The following DHTKD1 variants were observed in gnomAD, a reference collection of about 807,000 sequenced individuals.
The protein encoded by DHTKD1 is dehydrogenase E1 and transketolase domain containing 1, also known as 2-oxoadipate dehydrogenase complex component E1.
A neutral mutation model predicts 101.8 loss-of-function variants in DHTKD1; 78 were observed. The ratio of observed to expected loss-of-function variants is 0.77; its 90% CI spans 0.64 to 0.93. The LOEUF is 0.93. DHTKD1 is among the 40% of genes least tolerant of loss of function. The probability of loss-of-function intolerance (pLI) is 0.00; values close to 1 mark genes in which losing one functional copy is unlikely to be tolerated. For synonymous variants in DHTKD1, 462 were observed against 450.3 expected (o/e 1.03, Z -0.33); for missense variants, 1,223 against 1,161.7 (o/e 1.05, Z -0.77).
chr10:12,089,093 G>A lies in DHTKD1; in HGVS notation c.825G>A (p.Ala275=), dbSNP rs749394389. ...LTSSVDLYFG[A]HHPLHVTMLP... ...CCTCTGTGGACCTGTACTTTGGGGC[G>A]CACCATCCCCTCCATGTGACAATGT... Residue 275 remains alanine (A), a synonymous_variant, in exon 5 of 17, where the codon GCG becomes GCA. Coordinates refer to ENST00000263035, the MANE Select transcript of DHTKD1 (RefSeq NM_018706.7). 53 of 1,614,120 alleles carry A rather than the reference G, an allele frequency of 3.3e-5. No individual in the cohort carries two copies. Among genetic ancestry groups the A allele is most frequent in the Middle Eastern group, 1.6e-4 (1 of 6,062 alleles).
At chr10:12,113,947 C>G (rs1833375019) in intron 13 of DHTKD1, among the ~76,000 whole-genome samples, 1 of 151,886 alleles carries the variant, frequency 6.6e-6, no homozygotes, top group Admixed American at 6.6e-5. Context: ...TTTTAAAGCC[C>G]ATATGGTCTA....
At chr10:12,071,068 C>T (rs554177981) in intron 1 of DHTKD1, among the ~76,000 whole-genome samples, 1 of 152,310 alleles carries the variant, frequency 6.6e-6, no homozygotes, top group South Asian at 2.1e-4. Context: ...GGCTGCTAAT[C>T]CAATGCCATA....
At chr10:12,069,208 G>A (rs1385942506) in intron 1 of DHTKD1, 21 bp downstream of exon 1, 4 of 1,528,646 alleles carry the variant, frequency 2.6e-6, no homozygotes, top group Admixed American at 4.1e-5. Flanking sequence ...GGGCCCGGGC[G>A]GTGGGAGCGG....
chr10:12,100,200 A>G lies in DHTKD1; in HGVS notation c.1694A>G (p.Asp565Gly). The G allele has an allele frequency of 6.3e-7, 1 of 1,594,582 alleles. No homozygotes were observed. Among genetic ancestry groups the G allele is most frequent in the Non-Finnish European group, 8.5e-7 (1 of 1,169,830 alleles). Residue 565 changes from aspartate to glycine, a missense_variant, in exon 9 of 17, where the codon GAC (aspartate) becomes GGC (glycine). By Grantham distance (94) the Asp-to-Gly change is moderately conservative (BLOSUM62 -1). Coordinates refer to ENST00000263035, the MANE Select transcript of DHTKD1 (RefSeq NM_018706.7). Reference protein sequence around the residue: ...HVQSRMEKMMDGIKLDWATAE... With the variant: ...HVQSRMEKMMGGIKLDWATAE... ...CAGTCCAGAATGGAGAAGATGATGGACGGAATCAAGCTAGACTGGGCCACC... is the reference window on the plus strand; with the variant it reads ...CAGTCCAGAATGGAGAAGATGATGGGCGGAATCAAGCTAGACTGGGCCACC...
At position 12,107,122 on chromosome 10, in the gene DHTKD1, C is replaced by T. The variant is rs1833262166; in HGVS notation, c.2047+726C>T. ...GCCTCAGCCTCCCGAGTAGCTGGGA[C>T]TACATAGGCGCTGGTCACCACGCCC... On this transcript the variant is annotated intron_variant, in intron 11 of 16. Coordinates refer to ENST00000263035, the MANE Select transcript of DHTKD1 (RefSeq NM_018706.7). This position sits in a 1 kb window ranked among gnomAD's most constrained non-coding sequence, Gnocchi z 4.1. 6.6e-6 allele frequency among the ~76,000 whole-genome samples: 1 copy of T among 151,706 alleles called. No homozygotes were observed. Among genetic ancestry groups the T allele is most frequent in the Non-Finnish European group, 1.5e-5 (1 of 67,950 alleles).
chr10:12,091,445 A>G (rs952484858), intron 5 of DHTKD1, 68 bp from the exon 6 acceptor site: 2 of 779,756 alleles, frequency 2.6e-6, no homozygotes, highest in African/African-American at 1.7e-5. Flanking sequence ...TTCCAACCTG[A>G]AAACCTAGAT....
intron 7 of DHTKD1, among the ~76,000 whole-genome samples, chr10:12,096,541 A>C (rs1833073131): frequency 1.3e-5 from 2 of 152,138 alleles, no homozygotes; most frequent in African/African-American, 4.8e-5. Context: ...GCTTGCCACT[A>C]TGCCTGACTA....
At chr10:12,100,705 T>G (rs1833156259) in intron 9 of DHTKD1, among the ~76,000 whole-genome samples, 1 of 152,228 alleles carries the variant, frequency 6.6e-6, no homozygotes, top group South Asian at 2.1e-4. Flanking sequence ...AATTTTTCTT[T>G]CCTGACAATA....
At chr10:12,075,493 G>C (rs972243887) in intron 1 of DHTKD1, among the ~76,000 whole-genome samples, 8 of 152,068 alleles carry the variant, frequency 5.3e-5, no homozygotes, top group Non-Finnish European at 8.8e-5. Context: ...GTCCGCCTCG[G>C]TCTACCAAAG....
At position 12,106,367 on chromosome 10, in the gene DHTKD1, A is replaced by G. The variant is rs1833247558; in HGVS notation, c.2018A>G (p.Gln673Arg). The G allele has an allele frequency of 1.9e-6, 3 of 1,614,238 alleles. No homozygotes were observed. Among genetic ancestry groups the G allele is most frequent in the Non-Finnish European group, 2.5e-6 (3 of 1,180,044 alleles). ...AQFGDFFNGA[Q>R]IIFDTFISGG... Reference sequence around the variant, plus strand: ...TTTGGCGATTTCTTCAATGGTGCCCAGATCATCTTTGACACATTCATCTCT... The same window carrying G: ...TTTGGCGATTTCTTCAATGGTGCCCGGATCATCTTTGACACATTCATCTCT... Residue 673 changes from glutamine to arginine, a missense_variant, in exon 11 of 17, where the codon CAG becomes CGG. Gln to Arg is a conservative substitution (Grantham distance 43). Transcript: ENST00000263035.
Position 12,112,930 on chromosome 10 carries a change from G to A in DHTKD1, c.2185G>A (p.Gly729Arg), listed in dbSNP as rs117225135. ...MCDSAEEGVD[G>R]DTVNMFVVHP... ...TGACAGTGCGGAAGAGGGGGTGGAC[G>A]GAGACACTGTGAACATGTTTGTGGT... The change falls in exon 13 of 17, where the codon GGA becomes AGA. Residue 729 changes from glycine to arginine, a missense_variant. Physicochemically the swap from Gly to Arg is moderately radical, Grantham distance 125. Transcript: ENST00000263035. 2.7e-3 allele frequency: 4,292 copies of A among 1,610,968 alleles called. 12 individuals are homozygous for A. Among genetic ancestry groups the A allele is most frequent in the Middle Eastern group, 3.6e-3 (22 of 6,056 alleles).
intron 6 of DHTKD1, among the ~76,000 whole-genome samples, chr10:12,092,052 C>A (rs1009503430): frequency 6.7e-6 from 1 of 150,330 alleles, no homozygotes; most frequent in African/African-American, 2.5e-5. Context: ...TACGTGATCT[C>A]GGCTTACTGC....
At chr10:12,106,814 T>A (rs528155780) in intron 11 of DHTKD1, among the ~76,000 whole-genome samples, 5 of 152,298 alleles carry the variant, frequency 3.3e-5, no homozygotes, top group Non-Finnish European at 2.9e-5. Context: ...GCCTTAAATC[T>A]TTCCTATAGT....
chr10:12,111,313 G>A (rs1383220271), intron 12 of DHTKD1, among the ~76,000 whole-genome samples: 1 of 152,052 alleles, frequency 6.6e-6, no homozygotes, highest in Non-Finnish European at 1.5e-5. Context: ...TTATAGGCTT[G>A]TGCCACGATG....
intron 9 of DHTKD1, among the ~76,000 whole-genome samples, chr10:12,100,526 G>T (rs927373544): frequency 5.3e-5 from 8 of 151,948 alleles, no homozygotes; most frequent in Non-Finnish European, 1.2e-4. Flanking sequence ...GCCTCCCAAA[G>T]TGCTAGGATT....
chr10:12,095,366 T>C (rs1833050486), intron 7 of DHTKD1, among the ~76,000 whole-genome samples: 1 of 152,200 alleles, frequency 6.6e-6, no homozygotes, highest in Admixed American at 6.5e-5. Flanking sequence ...ATAATGAGTA[T>C]ATTGACTTAA....
intron 10 of DHTKD1, among the ~76,000 whole-genome samples, chr10:12,102,404 CAG>C: frequency 7.9e-6 from 1 of 126,774 alleles, no homozygotes; most frequent in East Asian, 2.4e-4. Flanking sequence ...AGCCTGGTGA[CAG>C]AGCGAGACTC....
chr10:12,073,822 A>C (rs887630766), intron 1 of DHTKD1, among the ~76,000 whole-genome samples: 2 of 152,118 alleles, frequency 1.3e-5, no homozygotes, highest in Non-Finnish European at 2.9e-5. Context: ...TTGTACTCTA[A>C]GTTTGAGGGC....
At chr10:12,082,873 A>C (rs148595524) in intron 2 of DHTKD1, among the ~76,000 whole-genome samples, 1,995 of 152,286 alleles carry the variant, frequency 0.013, 40 homozygotes, top group African/African-American at 0.045. Context: ...GCGGTGGCTC[A>C]TGCTGGTAAT....
Sources: gnomAD v4.1 joint callset for allele counts (sites outside exome capture counted in the v4.1 genomes callset) on GRCh38, gnomAD v4.1.1 for gene constraint, Gnocchi (gnomAD v3.1) non-coding constraint, MANE v1.5 for transcripts, NCBI Gene and HGNC (gene_info 2026-07-23, HGNC 2026-07-21) for gene names.